The following KIAA0825 variants were observed in gnomAD, a reference collection of about 807,000 sequenced individuals.
KIAA0825 encodes KIAA0825.
A neutral mutation model predicts 147.6 loss-of-function variants in KIAA0825; 119 were observed. The ratio of observed to expected loss-of-function variants is 0.81; its 90% CI spans 0.69 to 0.94. KIAA0825 has a LOEUF of 0.94. Ranked by LOEUF, KIAA0825 falls within the 40% of genes least tolerant of loss-of-function variation. The probability of loss-of-function intolerance (pLI) is 0.00; values close to 1 mark genes in which losing one functional copy is unlikely to be tolerated. For synonymous variants in KIAA0825, 470 were observed against 518.1 expected, an observed-to-expected ratio of 0.91 and a Z score of 1.26; for missense variants, 1,381 against 1,472.7, an observed-to-expected ratio of 0.94 and a Z score of 1.02.
chr5:94,196,816 A>G (rs914147131), intron 20 of KIAA0825, among the ~76,000 whole-genome samples: 1 of 152,146 alleles, frequency 6.6e-6, no homozygotes, highest in Non-Finnish European at 1.5e-5. Flanking sequence ...TTTTACAGCT[A>G]TGTAGTATTC....
At chr5:94,500,994 G>A (rs1765011150) in intron 5 of KIAA0825, among the ~76,000 whole-genome samples, 1 of 151,990 alleles carries the variant, frequency 6.6e-6, no homozygotes, top group South Asian at 2.1e-4. Flanking sequence ...CACCTCAGGT[G>A]ATCCACCCAC....
In KIAA0825 at chr5:94,520,498, T is replaced by C; in HGVS notation, c.720A>G (p.Ile240Met). ...GCATTGTACTTTGATATCCATGAGC[T>C]ATTACATCTAAATTTGAATCTCTGT... ...SYNRDSNLDV[I>M]AHGYQSTMLK... Residue 240 changes from isoleucine (I) to methionine (M), a missense_variant, in exon 5 of 21, where the codon ATA (isoleucine) becomes ATG (methionine). Transcript: ENST00000682413. The C allele has an allele frequency of 6.2e-7, 1 of 1,613,058 alleles. No individual in the cohort carries two copies. The highest frequency in any genetic ancestry group is 8.5e-7 in the Non-Finnish European group (1 of 1,179,166).
intron 20 of KIAA0825, among the ~76,000 whole-genome samples, chr5:94,274,685 C>G (rs1777142582): frequency 6.6e-6 from 1 of 152,158 alleles, no homozygotes; most frequent in Admixed American, 6.5e-5. Context: ...TCAGCAAAAA[C>G]TCATTAGCTA....
chr5:94,480,754 T>C (rs918301672), intron 6 of KIAA0825, among the ~76,000 whole-genome samples: 1 of 152,116 alleles, frequency 6.6e-6, no homozygotes, highest in Non-Finnish European at 1.5e-5. Context: ...TTCCTCTTGC[T>C]GGTGAGCAAT....
At chr5:94,288,802 C>T (rs6859083) in intron 20 of KIAA0825, among the ~76,000 whole-genome samples, 31,631 of 152,066 alleles carry the variant, frequency 0.21, 3,729 homozygotes, top group Non-Finnish European at 0.26. Context: ...GTTTTGTGCT[C>T]GTCAAGAGTT....
intron 2 of KIAA0825, among the ~76,000 whole-genome samples, chr5:94,551,061 T>C (rs1406354720): frequency 2.0e-5 from 3 of 151,398 alleles, no homozygotes; most frequent in African/African-American, 7.3e-5. Context: ...ACAGAAATCT[T>C]AGAGCTGAAG....
chr5:94,329,583 T>G (rs1781058469), intron 20 of KIAA0825, among the ~76,000 whole-genome samples: 1 of 152,152 alleles, frequency 6.6e-6, no homozygotes, highest in Admixed American at 6.5e-5. Context: ...TCTACTGTAG[T>G]TGATTTCTCA....
At chr5:94,177,606 A>G (rs1025966584) in intron 20 of KIAA0825, among the ~76,000 whole-genome samples, 1 of 152,006 alleles carries the variant, frequency 6.6e-6, no homozygotes, top group African/African-American at 2.4e-5. Context: ...AAAAATCATA[A>G]TGCAGGACTG....
chr5:94,512,855 C>T (rs1342983212), intron 5 of KIAA0825, among the ~76,000 whole-genome samples: 1 of 152,088 alleles, frequency 6.6e-6, no homozygotes, highest in Non-Finnish European at 1.5e-5. Flanking sequence ...GAGATCGCAT[C>T]ACTGCACTCC....
intron 15 of KIAA0825, chr5:94,416,970 A>C: frequency 2.7e-6 from 1 of 367,810 alleles, no homozygotes; most frequent in Non-Finnish European, 5.0e-6. Flanking sequence ...TAAAAAAAGA[A>C]AATCTTTTCC....
intron 20 of KIAA0825, among the ~76,000 whole-genome samples, chr5:94,367,335 A>T (rs1185506454): frequency 6.6e-6 from 1 of 152,060 alleles, no homozygotes; most frequent in Non-Finnish European, 1.5e-5. Context: ...CATCTCTAAT[A>T]AAAATACAAA....
At chr5:94,255,654 G>T (rs925381669) in intron 20 of KIAA0825, among the ~76,000 whole-genome samples, 7 of 148,086 alleles carry the variant, frequency 4.7e-5, no homozygotes, top group Non-Finnish European at 8.9e-5. Context: ...TTATGCCTGA[G>T]GTAACCTTGT....
intron 3 of KIAA0825, among the ~76,000 whole-genome samples, 173 bp from the exon 4 acceptor site, chr5:94,524,271 G>C (rs2151240160): frequency 6.6e-6 from 1 of 151,676 alleles, no homozygotes; most frequent in South Asian, 2.1e-4. Context: ...TGAAAGCTGA[G>C]AGTTCAAATT....
intron 13 of KIAA0825, among the ~76,000 whole-genome samples, chr5:94,440,632 A>G (rs575765345): frequency 6.6e-6 from 1 of 152,300 alleles, no homozygotes; most frequent in Non-Finnish European, 1.5e-5. Context: ...GTAAAGCCTT[A>G]CATCAACATT....
chr5:94,232,004 A>G (rs1022408902), intron 20 of KIAA0825, among the ~76,000 whole-genome samples: 1 of 152,096 alleles, frequency 6.6e-6, no homozygotes, highest in Non-Finnish European at 1.5e-5. Context: ...AATTTTTTAT[A>G]TGTTGCTTTG....
At chr5:94,275,046 C>T (rs550340039) in intron 20 of KIAA0825, among the ~76,000 whole-genome samples, 36 of 152,170 alleles carry the variant, frequency 2.4e-4, no homozygotes, top group African/African-American at 6.0e-4. Flanking sequence ...GAAAACATGA[C>T]GCTAGACTGC....
chr5:94,564,291 A>T (rs138933239), intron 2 of KIAA0825, among the ~76,000 whole-genome samples: 130 of 141,796 alleles, frequency 9.2e-4, no homozygotes, highest in African/African-American at 3.3e-3. Flanking sequence ...AGCCTACTGC[A>T]GCCTTGACCT....
chr5:94,307,912 A>G (rs1778852550), intron 20 of KIAA0825, among the ~76,000 whole-genome samples: 1 of 151,792 alleles, frequency 6.6e-6, no homozygotes. Flanking sequence ...ACACACTCTC[A>G]GGACTCTGAG....
chr5:94,502,849 C>T (rs993827402), intron 5 of KIAA0825, among the ~76,000 whole-genome samples: 1 of 151,942 alleles, frequency 6.6e-6, no homozygotes, highest in African/African-American at 2.4e-5. Flanking sequence ...TGGCTCACGC[C>T]TACAATCCCA....
Sources: allele counts gnomAD v4.1 joint callset (sites outside exome capture counted in the v4.1 genomes callset), GRCh38; gene constraint gnomAD v4.1.1; transcripts MANE v1.5; gene names NCBI Gene and HGNC (gene_info 2026-07-23, HGNC 2026-07-21).